PABPC4L: variants seen among roughly 807,000 people sequenced by gnomAD.
The protein encoded by PABPC4L is poly(A) binding protein cytoplasmic 4 like, also known as polyadenylate-binding protein 4-like.
For synonymous variants in PABPC4L, 169 were observed against 164.1 expected (o/e 1.03, Z -0.23); for missense variants, 452 against 451.4 (o/e 1.00, Z -0.01).
the PABPC4L span, among the ~76,000 whole-genome samples, chr4:134,119,208 A>G: frequency 2.6e-5 from 4 of 151,758 alleles, no homozygotes; most frequent in Admixed American, 2.6e-4. Context: ...ATTTTATAGT[A>G]CCAATCTCTC....
chr4:134,126,609 T>C, the PABPC4L span, among the ~76,000 whole-genome samples: 16 of 152,228 alleles, frequency 1.1e-4, no homozygotes, highest in Admixed American at 4.6e-4. Context: ...TTTTGGTTTT[T>C]ATTTTTTCCT....
chr4:134,173,175 A>G, the PABPC4L span, among the ~76,000 whole-genome samples: 7 of 150,850 alleles, frequency 4.6e-5, no homozygotes, highest in Non-Finnish European at 8.9e-5. Context: ...AAAAAAAAAA[A>G]AAAAAGAAAC....
chr4:133,968,092 C>A, the PABPC4L span, among the ~76,000 whole-genome samples: 1 of 152,074 alleles, frequency 6.6e-6, no homozygotes, highest in Non-Finnish European at 1.5e-5. Flanking sequence ...AGAGTCTTCG[C>A]CATTTAGTCG....
At chr4:133,993,586 T>C in the PABPC4L span, among the ~76,000 whole-genome samples, 1 of 152,168 alleles carries the variant, frequency 6.6e-6, no homozygotes, top group African/African-American at 2.4e-5. Context: ...TAAGTTCTAG[T>C]CCTCTAGGGT....
At chr4:134,139,156 T>G in the PABPC4L span, among the ~76,000 whole-genome samples, 1 of 152,090 alleles carries the variant, frequency 6.6e-6, no homozygotes, top group African/African-American at 2.4e-5. Flanking sequence ...AACTGTCCAA[T>G]ATTTAGTTAG....
the PABPC4L span, among the ~76,000 whole-genome samples, chr4:134,013,425 C>T: frequency 2.0e-5 from 3 of 151,896 alleles, no homozygotes; most frequent in Non-Finnish European, 2.9e-5. Flanking sequence ...CAAGCTTCCA[C>T]CTTCCATTCC....
chr4:134,004,974 G>A, the PABPC4L span, among the ~76,000 whole-genome samples: 1 of 151,838 alleles, frequency 6.6e-6, no homozygotes, highest in East Asian at 1.9e-4. Flanking sequence ...GGGTTGGTAA[G>A]TGGAGAGATG....
At chr4:134,053,417 C>T in the PABPC4L span, among the ~76,000 whole-genome samples, 2 of 152,202 alleles carry the variant, frequency 1.3e-5, no homozygotes, top group African/African-American at 4.8e-5. Context: ...GATGCAATGA[C>T]TTCTTCACAT....
the PABPC4L span, among the ~76,000 whole-genome samples, chr4:133,961,768 C>T: frequency 5.9e-5 from 9 of 152,134 alleles, no homozygotes; most frequent in Non-Finnish European, 8.8e-5. Context: ...TCCACCCCTC[C>T]AGATACGGCA....
the PABPC4L span, among the ~76,000 whole-genome samples, chr4:134,187,308 G>A: frequency 4.6e-5 from 7 of 152,100 alleles, no homozygotes; most frequent in African/African-American, 1.7e-4. Flanking sequence ...GTCCATCAAT[G>A]ATAGACTGGA....
At chr4:134,129,187 A>G in the PABPC4L span, among the ~76,000 whole-genome samples, 8 of 152,160 alleles carry the variant, frequency 5.3e-5, no homozygotes, top group African/African-American at 1.9e-4. Context: ...AATTACTACT[A>G]TACCTAAGAA....
the PABPC4L span, among the ~76,000 whole-genome samples, chr4:133,955,620 A>G: frequency 2.6e-5 from 4 of 152,326 alleles, no homozygotes; most frequent in East Asian, 7.7e-4. Context: ...CATGACAGAG[A>G]AAAATTACAT....
the PABPC4L span, among the ~76,000 whole-genome samples, chr4:134,011,583 T>A: frequency 6.6e-6 from 1 of 152,252 alleles, no homozygotes; most frequent in South Asian, 2.1e-4. Context: ...TATAGGTATA[T>A]TATTTGACAT....
chr4:134,010,881 T>C, the PABPC4L span, among the ~76,000 whole-genome samples: 159 of 152,256 alleles, frequency 1.0e-3, no homozygotes, highest in African/African-American at 3.4e-3. Context: ...CTGTCACACA[T>C]GTTATCTGTT....
chr4:134,031,771 C>T, the PABPC4L span, among the ~76,000 whole-genome samples: 2 of 151,902 alleles, frequency 1.3e-5, no homozygotes, highest in East Asian at 3.9e-4. Flanking sequence ...ACAATAATCT[C>T]TGCCCCTTCC....
chr4:134,198,675 G>A lies in PABPC4L; in HGVS notation c.*1232C>T, dbSNP rs1453336978. ...TAACTCTTGCCTCGATTTCCAAATG[G>A]ATTTGAAGCAGCACATATTAAAAGC... On this transcript the variant is annotated 3_prime_UTR_variant, in exon 2 of 2. Transcript: ENST00000421491. The A allele has an allele frequency of 6.6e-6, 1 of 151,842 alleles. No individual in the cohort carries two copies. Among genetic ancestry groups the A allele is most frequent in the Non-Finnish European group, 1.5e-5 (1 of 67,810 alleles). The allele number at this position is 151,842 out of a possible 1,614,324, so 9.4% of individuals were successfully genotyped here.
At chr4:134,058,251 A>G in the PABPC4L span, among the ~76,000 whole-genome samples, 7 of 152,076 alleles carry the variant, frequency 4.6e-5, no homozygotes, top group Non-Finnish European at 1.0e-4. Flanking sequence ...ATAAATTGAG[A>G]AGAAGAGTAA....
chr4:133,995,751 T>C, the PABPC4L span, among the ~76,000 whole-genome samples: 21 of 152,138 alleles, frequency 1.4e-4, no homozygotes, highest in Non-Finnish European at 2.9e-4. Flanking sequence ...CTGTTACGTC[T>C]CGCCCGGCCA....
chr4:134,158,787 T>C, the PABPC4L span, among the ~76,000 whole-genome samples: 1 of 152,116 alleles, frequency 6.6e-6, no homozygotes, highest in Non-Finnish European at 1.5e-5. Context: ...GGATATGTTC[T>C]GAAAAATGGC....
Sources: allele counts gnomAD v4.1 joint callset (sites outside exome capture counted in the v4.1 genomes callset), GRCh38; gene constraint gnomAD v4.1.1; transcripts MANE v1.5; gene names NCBI Gene and HGNC (gene_info 2026-07-23, HGNC 2026-07-21).